GRAMD2B: variants seen among roughly 807,000 people sequenced by gnomAD.
The protein encoded by GRAMD2B is GRAM domain-containing protein 2B.
In GRAMD2B, 41 loss-of-function variants were observed where a neutral mutation model predicts 59.2. That is an observed-to-expected ratio of 0.69 (90% CI 0.54 to 0.90). The LOEUF is 0.90. Among genes scored for constraint, GRAMD2B ranks in the 40% least tolerant of loss-of-function variants. The pLI is 0.00. For synonymous variants in GRAMD2B, 161 were observed against 182.7 expected, an observed-to-expected ratio of 0.88 and a Z score of 0.96; for missense variants, 424 against 500.5, an observed-to-expected ratio of 0.85 and a Z score of 1.46.
At chr5:126,472,778 G>A (rs1306755521) in intron 4 of GRAMD2B, among the ~76,000 whole-genome samples, 1 of 152,190 alleles carries the variant, frequency 6.6e-6, no homozygotes, top group Admixed American at 6.5e-5. Flanking sequence ...GGTTCATCAA[G>A]GGGCCCAAAG....
At chr5:126,372,870 T>C (rs1444725546) in intron 1 of GRAMD2B, among the ~76,000 whole-genome samples, 1 of 152,164 alleles carries the variant, frequency 6.6e-6, no homozygotes, top group Non-Finnish European at 1.5e-5. Context: ...AAATTCTTCT[T>C]TGGAGCTCAA....
intron 1 of GRAMD2B, among the ~76,000 whole-genome samples, chr5:126,413,609 T>A (rs193131829): frequency 2.6e-5 from 4 of 152,264 alleles, no homozygotes; most frequent in African/African-American, 7.2e-5. Context: ...AGATGTCTCT[T>A]AGGTCCAATT....
In GRAMD2B at chr5:126,473,373, G is replaced by A; in HGVS notation, c.486+5G>A. On this transcript the variant is annotated splice_donor_5th_base_variant and intron_variant, in intron 5 of 13. Transcript: ENST00000285689. Reference sequence around the variant, plus strand: ...GTCTTTGGAAAAGACACAAAGGTTGGTATAATTAAAAAAAAAAATGCTAAC... The same window carrying A: ...GTCTTTGGAAAAGACACAAAGGTTGATATAATTAAAAAAAAAAATGCTAAC... The A allele has an allele frequency of 1.6e-6, 2 of 1,244,246 alleles. No individual in the cohort carries two copies. The highest frequency in any genetic ancestry group is 2.2e-6 in the Non-Finnish European group (2 of 894,084). The allele number at this position is 1,244,246 out of a possible 1,614,324, so 77.1% of individuals were successfully genotyped here.
intron 4 of GRAMD2B, 23 bp from the exon 5 acceptor site, chr5:126,473,242 T>G (rs1399206000): frequency 2.3e-6 from 2 of 859,646 alleles, no homozygotes; most frequent in Non-Finnish European, 3.5e-6. Flanking sequence ...TAAATGATGC[T>G]GTGCCTGTGT....
At chr5:126,423,731 A>T in intron 1 of GRAMD2B, 42 bp downstream of exon 1, 5 of 1,558,648 alleles carry the variant, frequency 3.2e-6, no homozygotes, top group Middle Eastern at 1.7e-4. Context: ...AGGTGGGAGG[A>T]GCGCAGCCTA....
chr5:126,378,926 C>T (rs557512672), intron 1 of GRAMD2B, among the ~76,000 whole-genome samples: 6 of 152,104 alleles, frequency 3.9e-5, no homozygotes, highest in East Asian at 3.9e-4. Context: ...TATTTCAGTA[C>T]GTTTTTGGGA....
At chr5:126,405,675 C>T (rs1580817547) in intron 1 of GRAMD2B, among the ~76,000 whole-genome samples, 1 of 151,652 alleles carries the variant, frequency 6.6e-6, no homozygotes, top group Non-Finnish European at 1.5e-5. Flanking sequence ...AAGACAGTCT[C>T]CTTGAGGATA....
intron 1 of GRAMD2B, among the ~76,000 whole-genome samples, chr5:126,449,291 G>A (rs1241616839): frequency 2.0e-5 from 3 of 152,138 alleles, no homozygotes; most frequent in African/African-American, 2.4e-5. Context: ...ACAGCAGTGA[G>A]GAGCTATCAC....
chr5:126,398,557 C>A (rs1757564251), intron 1 of GRAMD2B, among the ~76,000 whole-genome samples: 1 of 152,022 alleles, frequency 6.6e-6, no homozygotes, highest in Admixed American at 6.6e-5. Context: ...TTTTAAAAAA[C>A]CAACTCTTAG....
intron 1 of GRAMD2B, among the ~76,000 whole-genome samples, chr5:126,415,161 G>C (rs1759157351): frequency 6.6e-6 from 1 of 152,140 alleles, no homozygotes; most frequent in African/African-American, 2.4e-5. Context: ...CAGATGCATG[G>C]GGGATGCAGG....
intron 2 of GRAMD2B, chr5:126,466,430 C>CTT (rs111776730): frequency 4.9e-4 from 285 of 583,262 alleles, no homozygotes; most frequent in South Asian, 9.8e-4. Context: ...GGCATCTCAC[C>CTT]TTTTTTTTTT....
intron 1 of GRAMD2B, among the ~76,000 whole-genome samples, chr5:126,450,906 C>T (rs1221834414): frequency 5.9e-5 from 9 of 152,202 alleles, no homozygotes; most frequent in South Asian, 2.1e-4. Flanking sequence ...AAGCCTGTCG[C>T]GCGGCGTAGC....
rs182469715 is a variant in GRAMD2B at position 126,412,631 on chromosome 5, G to C, written c.125+41064G>C. Among the ~76,000 whole-genome samples the C allele has an allele frequency of 4.7e-4, 71 of 152,202 alleles. 1 individual carries two copies. The highest frequency in any genetic ancestry group is 4.3e-3 in the Admixed American group (65 of 15,272). On this transcript the variant is annotated intron_variant, in intron 1 of 8. Transcript: ENST00000506445. The stretch of plus-strand genomic sequence containing the variant: ...GGGTGATGCTGGCTTTATAGAATGA[G>C]TTAGAGAAGAGTCCTTTCTCCTCAA...
chr5:126,465,998 C>T (rs1389254824), intron 2 of GRAMD2B, among the ~76,000 whole-genome samples: 2 of 152,042 alleles, frequency 1.3e-5, no homozygotes, highest in Non-Finnish European at 2.9e-5. Context: ...GTTGTGGGGC[C>T]GGAGGGGAGA....
intron 1 of GRAMD2B, among the ~76,000 whole-genome samples, chr5:126,385,922 T>G (rs1291293399): frequency 6.6e-6 from 1 of 152,140 alleles, no homozygotes; most frequent in Non-Finnish European, 1.5e-5. Context: ...TTTGCTATTC[T>G]CTGTGGAAGA....
At chr5:126,478,287 A>G (rs1771037774) in intron 6 of GRAMD2B, among the ~76,000 whole-genome samples, 1 of 151,858 alleles carries the variant, frequency 6.6e-6, no homozygotes, top group African/African-American at 2.4e-5. Flanking sequence ...AAAATATAAA[A>G]ATTAGCCAGG....
intron 1 of GRAMD2B, among the ~76,000 whole-genome samples, chr5:126,361,489 T>TAAAA (rs11300255): frequency 6.4e-5 from 9 of 140,714 alleles, no homozygotes; most frequent in Admixed American, 4.2e-4. Flanking sequence ...TCCGAAATGG[T>TAAAA]AAAAAAAAAA....
upstream of GRAMD2B, among the ~76,000 whole-genome samples, chr5:126,366,696 C>T (rs1754450839): frequency 6.6e-6 from 1 of 152,094 alleles, no homozygotes; most frequent in African/African-American, 2.4e-5. Context: ...GACCCCTAAA[C>T]TAACACTCTA....
At chr5:126,465,983 G>C (rs1768287954) in intron 2 of GRAMD2B, among the ~76,000 whole-genome samples, 2 of 152,302 alleles carry the variant, frequency 1.3e-5, no homozygotes, top group South Asian at 4.1e-4. Flanking sequence ...GGGAGGGTTG[G>C]TTTGGTTGTG....
Sources: allele counts gnomAD v4.1 joint callset (sites outside exome capture counted in the v4.1 genomes callset), GRCh38; gene constraint gnomAD v4.1.1; transcripts MANE v1.5; gene names NCBI Gene and HGNC (gene_info 2026-07-23, HGNC 2026-07-21).